GOLGA8M: variants seen among roughly 807,000 people sequenced by gnomAD.
The protein encoded by GOLGA8M is golgin subfamily A member 8M.
Under a neutral mutation model 87.7 loss-of-function variants are expected in GOLGA8M, and 34 were observed. That is an observed-to-expected ratio of 0.39 (90% CI 0.29 to 0.52). The LOEUF (loss-of-function observed/expected upper bound fraction) is 0.52, where lower values mean the gene tolerates loss of function less well. Among genes scored for constraint, GOLGA8M ranks in the 20% least tolerant of loss-of-function variants. The probability of loss-of-function intolerance (pLI) is 0.80; values close to 1 mark genes in which losing one functional copy is unlikely to be tolerated. For synonymous variants in GOLGA8M, 138 were observed against 250.2 expected (o/e 0.55, Z 4.23); for missense variants, 396 against 682.2 (o/e 0.58, Z 4.67).
At position 28,700,928 on chromosome 15, in the gene GOLGA8M, A is replaced by G. The variant is rs559050190; in HGVS notation, c.*1026T>C. Among the ~76,000 whole-genome samples, 40 of 152,246 alleles carry G rather than the reference A, an allele frequency of 2.6e-4. No individual in the cohort carries two copies. The highest frequency in any genetic ancestry group is 1.9e-3 in the Admixed American group (29 of 15,294). Reference sequence around the variant, plus strand: ...GCCTGTTCCAGGGACGTTTGAACTCATAAAGGATTTCTTATGATCTTCACT... The same window carrying G: ...GCCTGTTCCAGGGACGTTTGAACTCGTAAAGGATTTCTTATGATCTTCACT... On this transcript the variant is annotated 3_prime_UTR_variant, in exon 19 of 19. Transcript: ENST00000563027.
rs759999000 is a variant in GOLGA8M, at chr15:28,708,296, G to A, written c.348+79C>T. On this transcript the variant is annotated intron_variant, in intron 5 of 18. Coordinates refer to ENST00000563027, the MANE Select transcript of GOLGA8M (RefSeq NM_001282468.3). ...CCACCCATGGGACCAGGTTATCGGG[G>A]CCCTGTGGGGATGGGGTGGAATCTG... is the stretch of plus-strand genomic sequence containing the variant. 9.9e-6 allele frequency: 16 copies of A among 1,611,812 alleles called. 1 individual carries two copies. The South Asian group carries it at 1.6e-4, about 17-fold the overall frequency.
rs2079976651 is a variant in GOLGA8M at position 28,705,157 on chromosome 15, A to G, written c.1200+2T>C. 1 of 1,597,944 alleles carries G rather than the reference A, an allele frequency of 6.3e-7. No individual in the cohort carries two copies. Among genetic ancestry groups the G allele is most frequent in the African/African-American group, 1.3e-5 (1 of 74,700 alleles). The stretch of plus-strand genomic sequence containing the variant: ...TGGGGTGGAGGTTTCCGACTCCTTC[A>G]CCTCGCCAAGCTTCTCCTGTAGCTC... On this transcript the variant is annotated splice_donor_variant, in intron 13 of 18. Coordinates refer to ENST00000563027, the MANE Select transcript of GOLGA8M (RefSeq NM_001282468.3). LOFTEE classifies it high-confidence loss of function.
intron 8 of GOLGA8M, 140 bp from the exon 9 acceptor site, chr15:28,706,839 T>G (rs1339916438): frequency 7.6e-6 from 6 of 789,806 alleles, no homozygotes; most frequent in Non-Finnish European, 1.0e-5. Context: ...TGGTCTGGTT[T>G]TTAAAAGAAC....
At position 28,702,141 on chromosome 15, in the gene GOLGA8M, G is replaced by T. The variant is rs1287440189; in HGVS notation, c.1724-12C>A. 30 of 1,577,852 alleles carry T rather than the reference G, an allele frequency of 1.9e-5. No homozygotes were observed. Among genetic ancestry groups the T allele is most frequent in the Non-Finnish European group, 2.6e-5 (30 of 1,171,018 alleles). ...CACCTCACAAAGATCTTTGGAGAGA[G>T]GGAGGCAGGGATCTGAGCACAGTGG... On this transcript the variant is annotated splice_polypyrimidine_tract_variant and intron_variant, in intron 18 of 18. Coordinates refer to ENST00000563027, the MANE Select transcript of GOLGA8M (RefSeq NM_001282468.3).
At position 28,706,666 on chromosome 15, in the gene GOLGA8M, T is replaced by C. The variant is rs775105742; in HGVS notation, c.625A>G (p.Lys209Glu). The change falls in exon 9 of 19, where the codon AAG (lysine) becomes GAG (glutamate). Residue 209 changes from lysine (K) to glutamate (E), a missense_variant. Physicochemically the swap from Lys to Glu is moderately conservative, Grantham distance 56 (BLOSUM62 1). Transcript: ENST00000563027. ...TCCTCCCGCATGGACTGCTCTAACT[T>C]CCACTCCGTACCTGCTTTACTGGGG... is the stretch of plus-strand genomic sequence containing the variant. Reference protein sequence around the residue: ...SSPSKAGTEWKLEQSMREEAL... With the variant: ...SSPSKAGTEWELEQSMREEAL... The C allele has an allele frequency of 3.9e-6, 6 of 1,557,152 alleles. No homozygotes were observed. Among genetic ancestry groups the C allele is most frequent in the African/African-American group, 1.4e-5 (1 of 72,312 alleles).
Position 28,705,183 on chromosome 15 carries a change from C to T in GOLGA8M, c.1176G>A (p.Lys392=). Residue 392 remains lysine, a synonymous_variant, in exon 13 of 19, where the codon AAG becomes AAA. Coordinates refer to ENST00000563027, the MANE Select transcript of GOLGA8M (RefSeq NM_001282468.3). ...KSTLQLEQQV[K]ELQEKLGEEH... The stretch of plus-strand genomic sequence containing the variant: ...CCTCGCCAAGCTTCTCCTGTAGCTC[C>T]TTTACTTGCTGCTCCAACTGCAGTG... 1 of 1,598,378 alleles carries T rather than the reference C, an allele frequency of 6.3e-7. No individual in the cohort carries two copies. Among genetic ancestry groups the T allele is most frequent in the Non-Finnish European group, 8.5e-7 (1 of 1,179,782 alleles).
intron 8 of GOLGA8M, among the ~76,000 whole-genome samples, chr15:28,706,983 A>G (rs2080052481): frequency 1.4e-5 from 2 of 143,182 alleles, no homozygotes; most frequent in Admixed American, 7.6e-5. Context: ...GGAATGCTTC[A>G]CCAGATACCA....
rs554811905 is a variant in GOLGA8M at position 28,703,873 on chromosome 15, G to A, written c.1245C>T (p.Ala415=). The change falls in exon 14 of 19, where the codon GCC becomes GCT. Residue 415 remains alanine, a synonymous_variant. Transcript: ENST00000563027. ...AASQQNQQLT[A]QLSLMALPGE... ...CAGGGAGAGCCATGAGGCTCAGCTG[G>A]GCCGTTAGCTGCTGGTTCTGCTGGC... is the stretch of plus-strand genomic sequence containing the variant. 286 of 1,581,310 alleles carry A rather than the reference G, an allele frequency of 1.8e-4. 7 individuals are homozygous for A. In the African/African-American group the frequency reaches 3.3e-3, roughly 18 times the overall value.
intron 15 of GOLGA8M, among the ~76,000 whole-genome samples, 155 bp downstream of exon 15, chr15:28,703,164 A>C (rs192958377): frequency 0.023 from 2,967 of 128,002 alleles, 240 homozygotes; most frequent in African/African-American, 0.038. Flanking sequence ...GAGACTGCAC[A>C]TGTTGGCCAC....
In GOLGA8M at chr15:28,702,115, T is replaced by A; in HGVS notation, c.1738A>T (p.Ser580Cys). The A allele has an allele frequency of 1.3e-6, 2 of 1,581,632 alleles. No individual in the cohort carries two copies. The highest frequency in any genetic ancestry group is 1.7e-6 in the Non-Finnish European group (2 of 1,171,728). Residue 580 changes from serine to cysteine, a missense_variant, in exon 19 of 19, where the codon AGC (serine) becomes TGC (cysteine). Physicochemically the swap from Ser to Cys is moderately radical, Grantham distance 112 (BLOSUM62 -1). Coordinates refer to ENST00000563027, the MANE Select transcript of GOLGA8M (RefSeq NM_001282468.3). Reference protein sequence around the residue: ...ADKHGDLCEVSLTSSAQGEAR... With the variant: ...ADKHGDLCEVCLTSSAQGEAR... ...TCTCCTTGGGCAGAGGAGGTGAGGC[T>A]CACCTCACAAAGATCTTTGGAGAGA...
At chr15:28,709,973 C>T (rs983693042) in intron 2 of GOLGA8M, among the ~76,000 whole-genome samples, 2 of 143,136 alleles carry the variant, frequency 1.4e-5, no homozygotes, top group Non-Finnish European at 3.0e-5. Flanking sequence ...GAAACAATAT[C>T]ACCTCTATTA....
intron 13 of GOLGA8M, among the ~76,000 whole-genome samples, chr15:28,704,624 C>A (rs1182997275): frequency 6.8e-6 from 1 of 146,280 alleles, no homozygotes; most frequent in Non-Finnish European, 1.5e-5. Context: ...GTGGCCCAGG[C>A]TGGAGTGCAG....
Position 28,698,602 on chromosome 15 carries a change from C to A in GOLGA8M, c.*3352G>T, listed in dbSNP as rs2079737890. ...TAAAAGTTTTTTAATTAACCCATAA[C>A]TTTTTTATTTTGGTTTTTAATAAAC... is the stretch of plus-strand genomic sequence containing the variant. On this transcript the variant is annotated 3_prime_UTR_variant, in exon 19 of 19. Coordinates refer to ENST00000563027, the MANE Select transcript of GOLGA8M (RefSeq NM_001282468.3). 6.8e-6 allele frequency among the ~76,000 whole-genome samples: 1 copy of A among 147,156 alleles called. No individual in the cohort carries two copies. The highest frequency in any genetic ancestry group is 2.7e-5 in the African/African-American group (1 of 37,714).
chr15:28,707,667 T>C, intron 8 of GOLGA8M, 81 bp downstream of exon 8: 3 of 1,341,244 alleles, frequency 2.2e-6, no homozygotes, highest in South Asian at 2.5e-5. Flanking sequence ...GGACACGCCA[T>C]CCTGCAGAAG....
chr15:28,707,588 T>C (rs1199242162), intron 8 of GOLGA8M, among the ~76,000 whole-genome samples, 160 bp downstream of exon 8: 1 of 145,012 alleles, frequency 6.9e-6, no homozygotes, highest in Non-Finnish European at 1.5e-5. Context: ...AGCAGCTGAC[T>C]CAGCCCCAGG....
At chr15:28,709,719 C>G in intron 2 of GOLGA8M, 131 bp from the exon 3 acceptor site, 1 of 1,197,132 alleles carries the variant, frequency 8.4e-7, no homozygotes, top group South Asian at 1.6e-5. Context: ...TCCCATAACT[C>G]CTTTGTGCCA....
rs2079819882 is a variant in GOLGA8M, at chr15:28,702,406, T to G, written c.1568-37A>C. The G allele has an allele frequency of 4.0e-6, 6 of 1,507,642 alleles. No homozygotes were observed. In the East Asian group the frequency reaches 1.5e-4, roughly 38 times the overall value. 93.4% of individuals were successfully genotyped at this position (1,507,642 alleles called of 1,614,324 possible). On this transcript the variant is annotated intron_variant, in intron 17 of 18. Coordinates refer to ENST00000563027, the MANE Select transcript of GOLGA8M (RefSeq NM_001282468.3). Reference sequence around the variant, plus strand: ...GGTGCTCAGCTGCCATGCCGCTGCCTGCGCCCACCCTCACACCCACCCCCA... The same window carrying G: ...GGTGCTCAGCTGCCATGCCGCTGCCGGCGCCCACCCTCACACCCACCCCCA...
rs2079817592 is a variant in GOLGA8M, at chr15:28,702,366, T to C, written c.1571A>G (p.Glu524Gly). ...ACCATCTGCTGCAGCTCCAGCAGCT[T>C]CACCTGGAGGGAGGGGTGCTCAGCT... ...QAGAQGGDEG[E>G]AAGAAADGIA... Residue 524 changes from glutamate (E) to glycine (G), a missense_variant, in exon 18 of 19, where the codon GAA (glutamate) becomes GGA (glycine). Physicochemically the swap from Glu to Gly is moderately conservative, Grantham distance 98 (BLOSUM62 -2). Around this residue, in one of 12 missense-constraint regions of GOLGA8M, gnomAD observed 173 missense variants for 150.2 expected, o/e 1.15. Coordinates refer to ENST00000563027, the MANE Select transcript of GOLGA8M (RefSeq NM_001282468.3). 6.6e-7 allele frequency: 1 copy of C among 1,525,610 alleles called. No homozygotes were observed. The highest frequency in any genetic ancestry group is 2.0e-5 in the Admixed American group (1 of 50,188). 94.5% of individuals were successfully genotyped at this position (1,525,610 alleles called of 1,614,324 possible).
At position 28,702,459 on chromosome 15, in the gene GOLGA8M, C is replaced by A. The variant is rs3893142; in HGVS notation, c.1567+6G>T. 0.026 allele frequency: 34,123 copies of A among 1,328,904 alleles called. 545 individuals are homozygous for A. The highest frequency in any genetic ancestry group is 0.087 in the African/African-American group (4,591 of 52,856). The allele number at this position is 1,328,904 out of a possible 1,614,324, so 82.3% of individuals were successfully genotyped here. On this transcript the variant is annotated splice_donor_region_variant and intron_variant, in intron 17 of 18. Transcript: ENST00000563027. The stretch of plus-strand genomic sequence containing the variant: ...CCCACCCCCACAGAGATGTTGCACA[C>A]CCTACCTTCATCTCCTCCCTGAGCT...
Sources: allele counts gnomAD v4.1 joint callset (sites outside exome capture counted in the v4.1 genomes callset), GRCh38; gene constraint gnomAD v4.1.1; regional missense constraint gnomAD v4.1.1; transcripts MANE v1.5; gene names NCBI Gene and HGNC (gene_info 2026-07-23, HGNC 2026-07-21).